Variants in ZSWIM7 observed in about 807,000 individuals in gnomAD.
The protein encoded by ZSWIM7 is zinc finger SWIM domain-containing protein 7.
A neutral mutation model predicts 21.1 loss-of-function variants in ZSWIM7; 22 were observed. That is an observed-to-expected ratio of 1.04 (90% CI 0.74 to 1.49). The LOEUF (loss-of-function observed/expected upper bound fraction) is 1.49. Ranked by LOEUF, ZSWIM7 falls within the 40% of genes most tolerant of loss-of-function variation. ZSWIM7 has a pLI of 0.00. For synonymous variants in ZSWIM7, 67 were observed against 66.5 expected, an observed-to-expected ratio of 1.01 and a Z score of -0.04; for missense variants, 193 against 168.0, an observed-to-expected ratio of 1.15 and a Z score of -0.82.
rs536821136 is a variant in ZSWIM7, at chr17:15,990,263, T to C, written c.99-2895A>G. On this transcript the variant is annotated intron_variant, in intron 2 of 4. Transcript: ENST00000399277. ...GCAATAAACCAAAATTTAAGAGTGA[T>C]TATTACTGGGTGGTATGATTATTGA... 5.9e-5 allele frequency among the ~76,000 whole-genome samples: 9 copies of C among 151,660 alleles called. No homozygotes were observed. In the East Asian group the frequency reaches 1.6e-3, roughly 26 times the overall value.
chr17:15,981,669 G>GCAA (rs1970357128), intron 3 of ZSWIM7, among the ~76,000 whole-genome samples: 1 of 152,160 alleles, frequency 6.6e-6, no homozygotes, highest in Non-Finnish European at 1.5e-5. Flanking sequence ...AGCACTTTGG[G>GCAA]AGGTCGAGGT....
chr17:15,989,674 A>T (rs1970458186), intron 2 of ZSWIM7, among the ~76,000 whole-genome samples: 1 of 152,004 alleles, frequency 6.6e-6, no homozygotes, highest in African/African-American at 2.4e-5. Flanking sequence ...TCACCCAGGC[A>T]GGCTGGATTC....
At chr17:15,998,320 C>G (rs1970591717) in intron 1 of ZSWIM7, among the ~76,000 whole-genome samples, 2 of 152,168 alleles carry the variant, frequency 1.3e-5, no homozygotes. Context: ...ACTAATCTTT[C>G]AAGCACATAT....
intron 2 of ZSWIM7, among the ~76,000 whole-genome samples, chr17:15,993,122 C>A (rs969714517): frequency 6.6e-6 from 1 of 152,066 alleles, no homozygotes. Flanking sequence ...AAGTGATCCA[C>A]CCACCTCAGT....
chr17:15,999,326 A>G (rs1970629222), intron 1 of ZSWIM7, 193 bp downstream of exon 1: 13 of 743,564 alleles, frequency 1.7e-5, no homozygotes, highest in Non-Finnish European at 2.7e-5. Flanking sequence ...AATCGATTTG[A>G]CTTTTACTTG....
chr17:15,987,731 C>A (rs2151625440), intron 2 of ZSWIM7, among the ~76,000 whole-genome samples: 2 of 152,208 alleles, frequency 1.3e-5, no homozygotes, highest in South Asian at 4.1e-4. Context: ...CTGCCTCAGC[C>A]TCCCAAGTAG....
intron 1 of ZSWIM7, chr17:15,999,284 C>G (rs2151637461): frequency 1.6e-6 from 1 of 635,352 alleles, no homozygotes; most frequent in East Asian, 2.8e-5. Flanking sequence ...GGAGGGGCTC[C>G]TGCAACTGCG....
intron 2 of ZSWIM7, among the ~76,000 whole-genome samples, chr17:15,990,510 G>T (rs977013671): frequency 4.6e-5 from 7 of 151,940 alleles, no homozygotes; most frequent in Non-Finnish European, 1.0e-4. Flanking sequence ...CTCCCAAGGT[G>T]CTGGGATTAC....
chr17:15,983,940 C>T (rs1970383346), intron 3 of ZSWIM7, among the ~76,000 whole-genome samples: 1 of 152,114 alleles, frequency 6.6e-6, no homozygotes, highest in Non-Finnish European at 1.5e-5. Flanking sequence ...TAGGTTTCTT[C>T]TCCCTTTAGT....
At chr17:15,996,348 C>A (rs2151632488) in intron 1 of ZSWIM7, among the ~76,000 whole-genome samples, 1 of 152,080 alleles carries the variant, frequency 6.6e-6, no homozygotes. Flanking sequence ...CTTTTTCAGA[C>A]ATAAGCCTCA....
In ZSWIM7 at chr17:15,999,461, G is replaced by A. The variant is rs1438615491; in HGVS notation, c.76+58C>T. The A allele has an allele frequency of 5.1e-6, 8 of 1,578,694 alleles. No homozygotes were observed. The African/African-American group carries it at 8.1e-5, about 16-fold the overall frequency. ...CCGCCTCCTGCCTCCCGGCCCGGCG[G>A]TGCCCGGATGCCCCGCCCGCGCCCA... is the stretch of plus-strand genomic sequence containing the variant. On this transcript the variant is annotated intron_variant, in intron 1 of 4. Transcript: ENST00000399277.
intron 1 of ZSWIM7, among the ~76,000 whole-genome samples, chr17:15,996,473 C>T (rs1047283012): frequency 1.3e-5 from 2 of 151,996 alleles, no homozygotes; most frequent in African/African-American, 2.4e-5. Flanking sequence ...AAGGAAGACC[C>T]GTCTCTACAG....
chr17:15,997,155 C>CAA (rs61144764), intron 1 of ZSWIM7, among the ~76,000 whole-genome samples: 3,992 of 114,978 alleles, frequency 0.035, 186 homozygotes, highest in African/African-American at 0.11. Flanking sequence ...CAGACTGTCT[C>CAA]AAAAAAAAAA....
intron 1 of ZSWIM7, 113 bp downstream of exon 1, chr17:15,999,405 TG>T (rs1970633001): frequency 7.6e-7 from 1 of 1,324,412 alleles, no homozygotes; most frequent in Middle Eastern, 2.5e-4. Flanking sequence ...GAGAACCACA[TG>T]GAAAAAAGGC....
At chr17:15,997,971 T>G (rs1970581095) in intron 1 of ZSWIM7, among the ~76,000 whole-genome samples, 1 of 152,084 alleles carries the variant, frequency 6.6e-6, no homozygotes, top group South Asian at 2.1e-4. Flanking sequence ...TGTGGTGGCA[T>G]GCGCCTGTAG....
chr17:15,978,238 T>G, intron 4 of ZSWIM7, 75 bp from the exon 5 acceptor site: 5 of 1,027,128 alleles, frequency 4.9e-6, no homozygotes, highest in Non-Finnish European at 7.6e-6. Context: ...GATTTCTCAT[T>G]ACCATCTTAT....
chr17:15,992,439 CTT>C (rs11455913), intron 2 of ZSWIM7, among the ~76,000 whole-genome samples: 18 of 121,942 alleles, frequency 1.5e-4, no homozygotes, highest in East Asian at 6.9e-4. Context: ...AACAGCTACG[CTT>C]TTTTTTTTTT....
intron 2 of ZSWIM7, among the ~76,000 whole-genome samples, 200 bp from the exon 3 acceptor site, chr17:15,987,568 T>C (rs1036419300): frequency 1.3e-5 from 2 of 152,090 alleles, no homozygotes; most frequent in African/African-American, 2.4e-5. Flanking sequence ...TCAGATCTTC[T>C]TGTATTATGT....
Position 15,981,135 on chromosome 17 carries a change from T to C in ZSWIM7, c.211A>G (p.Ser71Gly). ...AAACATGTGTATGTTTTACTGGAAC[T>C]TCCAAGGACCTACAAAGAAAGGATA... is the stretch of plus-strand genomic sequence containing the variant. ...SGRRVYQVLG[S>G]SSKTYTCLAS... The change falls in exon 4 of 5, where the codon AGT becomes GGT. Residue 71 changes from serine to glycine, a missense_variant. Ser to Gly is a moderately conservative substitution (Grantham distance 56). Coordinates refer to ENST00000399277, the MANE Select transcript of ZSWIM7 (RefSeq NM_001042697.2). The C allele has an allele frequency of 6.2e-7, 1 of 1,613,430 alleles. No homozygotes were observed. Among genetic ancestry groups the C allele is most frequent in the Non-Finnish European group, 8.5e-7 (1 of 1,179,492 alleles).
Sources: allele counts gnomAD v4.1 joint callset (sites outside exome capture counted in the v4.1 genomes callset), GRCh38; gene constraint gnomAD v4.1.1; transcripts MANE v1.5; gene names NCBI Gene and HGNC (gene_info 2026-07-23, HGNC 2026-07-21).